The following DCT variants were observed in gnomAD, a reference collection of about 807,000 sequenced individuals.
The protein encoded by DCT is L-dopachrome tautomerase.
Under a neutral mutation model 53.0 loss-of-function variants are expected in DCT, and 47 were observed. That is an observed-to-expected ratio of 0.89 (90% CI 0.70 to 1.13). The LOEUF is 1.13. Among genes scored for constraint, DCT ranks in the 50% most tolerant of loss-of-function variants. The pLI is 0.00. For synonymous variants in DCT, 244 were observed against 237.0 expected (o/e 1.03, Z -0.27); for missense variants, 669 against 637.4 (o/e 1.05, Z -0.53).
intron 2 of DCT, 151 bp from the exon 3 acceptor site, chr13:94,466,809 G>A (rs903062075): frequency 2.1e-5 from 9 of 428,868 alleles, no homozygotes; most frequent in African/African-American, 1.8e-4. Context: ...ATCTCCAAAA[G>A]CAATAGTAAT....
At chr13:94,449,084 G>GA (rs201418241) in intron 6 of DCT, among the ~76,000 whole-genome samples, 1,791 of 137,774 alleles carry the variant, frequency 0.013, 43 homozygotes, top group African/African-American at 0.044. Flanking sequence ...TACAGAAAAG[G>GA]AAAAAAAAAA....
At chr13:94,454,784 C>A (rs1427466249) in intron 6 of DCT, among the ~76,000 whole-genome samples, 1 of 152,190 alleles carries the variant, frequency 6.6e-6, no homozygotes, top group African/African-American at 2.4e-5. Flanking sequence ...TGTGAAAAAT[C>A]ATTTAAGGCT....
At chr13:94,472,543 TATATATATATATATATA>T (rs1884753836) in intron 1 of DCT, among the ~76,000 whole-genome samples, 2 of 34,694 alleles carry the variant, frequency 5.8e-5, no homozygotes, top group African/African-American at 2.8e-4. Flanking sequence ...TATATATATA[TATATATATATATATATA>T]TATATATATT....
chr13:94,497,458 C>A, the DCT span, among the ~76,000 whole-genome samples: 1 of 152,232 alleles, frequency 6.6e-6, no homozygotes. Context: ...TAGCTTTTAA[C>A]TCCCCCAAAA....
At chr13:94,535,806 G>A in the DCT span, among the ~76,000 whole-genome samples, 8 of 152,116 alleles carry the variant, frequency 5.3e-5, no homozygotes, top group Non-Finnish European at 1.0e-4. Context: ...CTGTGATTTC[G>A]CCTATACCCT....
intron 4 of DCT, among the ~76,000 whole-genome samples, chr13:94,462,447 C>T (rs1883877009): frequency 1.3e-5 from 2 of 151,224 alleles, no homozygotes; most frequent in African/African-American, 2.4e-5. Context: ...CTGCAGTGAG[C>T]AGAGATCATG....
chr13:94,517,727 G>A, the DCT span, among the ~76,000 whole-genome samples: 5 of 152,220 alleles, frequency 3.3e-5, no homozygotes, highest in Non-Finnish European at 5.9e-5. Context: ...GATTTAACAC[G>A]GACAGAAGAC....
chr13:94,511,657 G>A, the DCT span, among the ~76,000 whole-genome samples: 1 of 152,062 alleles, frequency 6.6e-6, no homozygotes. Flanking sequence ...ACCGCATCCG[G>A]CCTCATAACT....
rs572631674 is a variant in DCT, at chr13:94,471,860, C to T, written c.296-2815G>A. Reference sequence around the variant, plus strand: ...TGAGAAATTTGGATGATAATAATGTCGGTAGAGGTTCATTGATTGTAACCC... The same window carrying T: ...TGAGAAATTTGGATGATAATAATGTTGGTAGAGGTTCATTGATTGTAACCC... On this transcript the variant is annotated intron_variant, in intron 1 of 7. Coordinates refer to ENST00000377028, the MANE Select transcript of DCT (RefSeq NM_001922.5). 1.4e-4 allele frequency among the ~76,000 whole-genome samples: 22 copies of T among 152,170 alleles called. No individual in the cohort carries two copies. The South Asian group carries it at 3.3e-3, about 23-fold the overall frequency.
At position 94,439,823 on chromosome 13, in the gene DCT, A is replaced by G; in HGVS notation, c.*75T>C. 1 of 1,080,696 alleles carries G rather than the reference A, an allele frequency of 9.3e-7. No homozygotes were observed. Among genetic ancestry groups the G allele is most frequent in the East Asian group, 2.4e-5 (1 of 41,592 alleles). The allele number at this position is 1,080,696 out of a possible 1,614,324, so 66.9% of individuals were successfully genotyped here. On this transcript the variant is annotated 3_prime_UTR_variant, in exon 8 of 8. Coordinates refer to ENST00000377028, the MANE Select transcript of DCT (RefSeq NM_001922.5). Reference sequence around the variant, plus strand: ...ATCTTCAACTCAAGAAGGAACAGTGAGGATTAGTTCCTTTATTGTCAGCGT... The same window carrying G: ...ATCTTCAACTCAAGAAGGAACAGTGGGGATTAGTTCCTTTATTGTCAGCGT...
chr13:94,511,359 TCTC>T, the DCT span, among the ~76,000 whole-genome samples: 1 of 134,962 alleles, frequency 7.4e-6, no homozygotes, highest in African/African-American at 3.5e-5. Context: ...TCTCTCTCTC[TCTC>T]TTTTTTTTTT....
rs1192671373 is a variant in DCT at position 94,468,898 on chromosome 13, G to A, written c.443C>T (p.Ala148Val). 4 of 1,613,966 alleles carry A rather than the reference G, an allele frequency of 2.5e-6. No homozygotes were observed. Among genetic ancestry groups the A allele is most frequent in the East Asian group, 2.2e-5 (1 of 44,878 alleles). ...REQFLGALDL[A>V]KKRVHPDYVI... ...GTAGTCGGGGTGTACTCTCTTCTTCGCGAGATCTAAGGCGCCCAAGAACTG... is the reference window on the plus strand; with the variant it reads ...GTAGTCGGGGTGTACTCTCTTCTTCACGAGATCTAAGGCGCCCAAGAACTG... The change falls in exon 2 of 8, where the codon GCG (alanine) becomes GTG (valine). Residue 148 changes from alanine (A) to valine (V), a missense_variant. Coordinates refer to ENST00000377028, the MANE Select transcript of DCT (RefSeq NM_001922.5).
intron 3 of DCT, 107 bp downstream of exon 3, chr13:94,466,451 T>G (rs1036366368): frequency 1.8e-4 from 111 of 623,758 alleles, no homozygotes; most frequent in Non-Finnish European, 2.8e-4. Flanking sequence ...TCACTTATCT[T>G]GTATGAGTAT....
At chr13:94,517,318 C>T in the DCT span, among the ~76,000 whole-genome samples, 2 of 152,198 alleles carry the variant, frequency 1.3e-5, no homozygotes, top group Non-Finnish European at 2.9e-5. Context: ...TTGACACTCA[C>T]CCAATATCCT....
At chr13:94,442,500 G>A (rs1023614737) in intron 7 of DCT, among the ~76,000 whole-genome samples, 1 of 152,110 alleles carries the variant, frequency 6.6e-6, no homozygotes, top group African/African-American at 2.4e-5. Context: ...GCAGAGATAG[G>A]TCTCAGTATG....
At chr13:94,468,472 G>T in intron 2 of DCT, 1 of 331,588 alleles carries the variant, frequency 3.0e-6, no homozygotes, top group Non-Finnish European at 5.6e-6. Flanking sequence ...TCACATCTTT[G>T]ATGATTAACA....
rs3044355 is a variant in DCT, at chr13:94,465,968, T to TTATATATA, written c.697-177_697-170dup. Reference sequence around the variant, plus strand: ...TGACATAAATCAGTGTGTGTATATTTTATATATATATATATATATATATAT... The same window carrying TTATATATA: ...TGACATAAATCAGTGTGTGTATATTTTATATATATATATATATATATATATATATATAT... On this transcript the variant is annotated intron_variant, in intron 3 of 7. Coordinates refer to ENST00000377028, the MANE Select transcript of DCT (RefSeq NM_001922.5). Among the ~76,000 whole-genome samples the TTATATATA allele has an allele frequency of 2.8e-3, 215 of 77,756 alleles. 4 individuals carry two copies. The highest frequency in any genetic ancestry group is 3.0e-3 in the Non-Finnish European group (133 of 45,052). 51.0% of individuals were successfully genotyped at this position (77,756 alleles called of 152,430 possible). A position where few individuals can be genotyped will look rare whatever the true frequency, so the allele number is the denominator to read the frequency against.
At chr13:94,507,256 A>G in the DCT span, among the ~76,000 whole-genome samples, 1 of 152,206 alleles carries the variant, frequency 6.6e-6, no homozygotes. Flanking sequence ...GTATTGACAT[A>G]AGGAAAAGCT....
chr13:94,448,911 A>AT (rs1555331377), intron 6 of DCT, among the ~76,000 whole-genome samples: 6 of 151,878 alleles, frequency 4.0e-5, no homozygotes, highest in Admixed American at 3.9e-4. Flanking sequence ...CTCAAAAAAA[A>AT]AATAATAATA....
Sources: allele counts gnomAD v4.1 joint callset (sites outside exome capture counted in the v4.1 genomes callset), GRCh38; gene constraint gnomAD v4.1.1; transcripts MANE v1.5; gene names NCBI Gene and HGNC (gene_info 2026-07-23, HGNC 2026-07-21).